The following ZFAT variants were observed in gnomAD, a reference collection of about 807,000 sequenced individuals.
ZFAT encodes the protein zinc finger protein ZFAT.
ZFAT carries 64 observed loss-of-function variants against 117.7 expected under a neutral mutation model. That is an observed-to-expected ratio of 0.54 (90% CI 0.44 to 0.67). ZFAT has a LOEUF of 0.67. ZFAT is among the 30% of genes least tolerant of loss of function. ZFAT has a pLI of 0.00. For synonymous variants in ZFAT, 679 were observed against 615.0 expected (o/e 1.10, Z -1.54); for missense variants, 1,433 against 1,584.5 (o/e 0.90, Z 1.62).
intron 15 of ZFAT, among the ~76,000 whole-genome samples, chr8:134,479,950 C>CTTTT (rs35032412): frequency 4.9e-5 from 6 of 123,308 alleles, no homozygotes; most frequent in African/African-American, 9.5e-5. Context: ...TTCAACCACA[C>CTTTT]TTTTTTTTTT....
At chr8:134,646,133 T>G (rs898337771) in intron 2 of ZFAT, among the ~76,000 whole-genome samples, 1 of 151,950 alleles carries the variant, frequency 6.6e-6, no homozygotes, top group Non-Finnish European at 1.5e-5. Flanking sequence ...CGCTTGAAAC[T>G]GGAAGGCGGA....
chr8:134,749,753 T>C, the ZFAT span, among the ~76,000 whole-genome samples: 1 of 152,250 alleles, frequency 6.6e-6, no homozygotes, highest in Non-Finnish European at 1.5e-5. Flanking sequence ...CCTTTACCTA[T>C]AGCCACTTCT....
At chr8:134,482,370 G>A (rs572015537) in intron 15 of ZFAT, among the ~76,000 whole-genome samples, 1 of 152,206 alleles carries the variant, frequency 6.6e-6, no homozygotes, top group Admixed American at 6.5e-5. Context: ...AAGTTCGCAG[G>A]CGGATCTTGA....
intron 1 of ZFAT, 127 bp downstream of exon 1, chr8:134,712,718 C>CGCGGCCGGCGGGCCGGCGGCCG: frequency 4.8e-6 from 4 of 824,852 alleles, no homozygotes; most frequent in Non-Finnish European, 6.8e-6. Context: ...CGGATCCCTC[C>CGCGGCCGGCGGGCCGGCGGCCG]GCGGCCGGCG....
chr8:134,565,020 G>T, intron 11 of ZFAT: 1 of 1,315,820 alleles, frequency 7.6e-7, no homozygotes, highest in Non-Finnish European at 9.9e-7. Flanking sequence ...GCAAAAATAC[G>T]TGTCCCTAAA....
intron 15 of ZFAT, among the ~76,000 whole-genome samples, chr8:134,503,217 GC>G (rs1349115467): frequency 6.6e-6 from 1 of 152,230 alleles, no homozygotes; most frequent in Non-Finnish European, 1.5e-5. Context: ...GGGTTAGTGT[GC>G]CATGCTGGCA....
At chr8:134,774,301 C>T in the ZFAT span, among the ~76,000 whole-genome samples, 2 of 152,042 alleles carry the variant, frequency 1.3e-5, no homozygotes, top group East Asian at 3.9e-4. Context: ...CTGGGCTTAA[C>T]TCCAGTTTTG....
chr8:134,737,527 G>A, the ZFAT span, among the ~76,000 whole-genome samples: 12 of 109,782 alleles, frequency 1.1e-4, no homozygotes, highest in African/African-American at 3.9e-4. Flanking sequence ...GATACAAAAA[G>A]TGGGGAAGGT....
chr8:134,534,180 A>C (rs1041988512), intron 11 of ZFAT, among the ~76,000 whole-genome samples: 1 of 152,248 alleles, frequency 6.6e-6, no homozygotes, highest in African/African-American at 2.4e-5. Context: ...GCTCATGCCC[A>C]TGTCATAAGG....
At chr8:134,805,552 T>G in the ZFAT span, among the ~76,000 whole-genome samples, 1 of 152,204 alleles carries the variant, frequency 6.6e-6, no homozygotes, top group East Asian at 1.9e-4. Context: ...GATCTTAAAT[T>G]TGTTTATAAG....
the ZFAT span, among the ~76,000 whole-genome samples, chr8:134,801,445 CCA>C: frequency 3.9e-4 from 60 of 152,164 alleles, no homozygotes; most frequent in Non-Finnish European, 7.2e-4. Context: ...ATAACCACTG[CCA>C]GCAAACTTTA....
intron 2 of ZFAT, among the ~76,000 whole-genome samples, chr8:134,638,590 G>A (rs1408895543): frequency 5.4e-5 from 8 of 149,052 alleles, no homozygotes; most frequent in African/African-American, 1.5e-4. Flanking sequence ...TTAACCAGGC[G>A]TGGTGGCGGG....
chr8:134,753,823 T>C, the ZFAT span, among the ~76,000 whole-genome samples: 1 of 152,218 alleles, frequency 6.6e-6, no homozygotes, highest in Non-Finnish European at 1.5e-5. Context: ...TAGATTAAAA[T>C]GACAACAGAC....
chr8:134,501,592 C>T (rs1200035021), intron 15 of ZFAT, among the ~76,000 whole-genome samples: 1 of 151,906 alleles, frequency 6.6e-6, no homozygotes, highest in Non-Finnish European at 1.5e-5. Flanking sequence ...CATTACGGTG[C>T]GAGAGAATAC....
intron 3 of ZFAT, among the ~76,000 whole-genome samples, chr8:134,622,469 G>C (rs1401095686): frequency 6.6e-6 from 1 of 152,194 alleles, no homozygotes; most frequent in Non-Finnish European, 1.5e-5. Flanking sequence ...TATGACGACA[G>C]GGTCTAGTGC....
the ZFAT span, among the ~76,000 whole-genome samples, chr8:134,724,187 T>A: frequency 2.6e-5 from 4 of 152,182 alleles, no homozygotes; most frequent in African/African-American, 9.6e-5. Context: ...ACTTTGGGAC[T>A]GTGCATTGGT....
At position 134,610,135 on chromosome 8, in the gene ZFAT, G is replaced by A. The variant is rs187000181; in HGVS notation, c.634+335C>T. Among the ~76,000 whole-genome samples the A allele has an allele frequency of 5.6e-4, 85 of 152,330 alleles. 1 individual carries two copies. The East Asian group carries it at 0.013, about 23-fold the overall frequency. On this transcript the variant is annotated intron_variant, in intron 4 of 15. Coordinates refer to ENST00000377838, the MANE Select transcript of ZFAT (RefSeq NM_020863.4). ...CAGGACAGCATGGCTGAGAGCAGGA[G>A]GGGAAGGCACACACCCAGGAGAAGA...
chr8:134,817,421 ACACACACACACACAC>A, the ZFAT span, among the ~76,000 whole-genome samples: 123 of 115,216 alleles, frequency 1.1e-3, 1 homozygote, highest in African/African-American at 3.9e-3. Context: ...ACACACACAC[ACACACACACACACAC>A]AACGCACCCT....
intron 15 of ZFAT, among the ~76,000 whole-genome samples, chr8:134,501,826 C>T (rs1371345402): frequency 6.6e-6 from 1 of 152,194 alleles, no homozygotes; most frequent in Non-Finnish European, 1.5e-5. Context: ...TCCATTAACT[C>T]ACCAGTTATT....
Sources: gnomAD v4.1 joint callset for allele counts (sites outside exome capture counted in the v4.1 genomes callset) on GRCh38, gnomAD v4.1.1 for gene constraint, MANE v1.5 for transcripts, NCBI Gene and HGNC (gene_info 2026-07-23, HGNC 2026-07-21) for gene names.